Variants in OR7E24 observed in about 807,000 individuals in gnomAD.
The protein encoded by OR7E24 is olfactory receptor 7E24.
For synonymous variants in OR7E24, 130 were observed against 157.5 expected (o/e 0.83, Z 1.31); for missense variants, 385 against 410.3 (o/e 0.94, Z 0.53).
the OR7E24 span, chr19:9,214,326 C>A: frequency 6.2e-7 from 1 of 1,614,030 alleles, no homozygotes; most frequent in Non-Finnish European, 8.5e-7. Context: ...AATCTCAGTG[C>A]CTGTGGAGAA....
At chr19:9,232,465 G>A in the OR7E24 span, among the ~76,000 whole-genome samples, 1 of 150,890 alleles carries the variant, frequency 6.6e-6, no homozygotes. Flanking sequence ...TTGAACCTGG[G>A]AGGCGGAGGT....
In OR7E24 at chr19:9,252,083, C is replaced by T; in HGVS notation, c.*20C>T. 3.1e-6 allele frequency: 5 copies of T among 1,593,756 alleles called. No individual in the cohort carries two copies. The South Asian group carries it at 3.4e-5, about 11-fold the overall frequency. On this transcript the variant is annotated 3_prime_UTR_variant, in exon 1 of 1. Coordinates refer to ENST00000456448, the MANE Select transcript of OR7E24 (RefSeq NM_001079935.2). ...GGATAGAAATGGCAGCAAAATTTAACACCTAGGCCTGCAAATTCTGCCTCC... is the reference window on the plus strand; with the variant it reads ...GGATAGAAATGGCAGCAAAATTTAATACCTAGGCCTGCAAATTCTGCCTCC...
rs1277234056 is a variant in OR7E24 at position 9,251,600 on chromosome 19, G to A, written c.557G>A (p.Cys186Tyr). 4 of 1,613,468 alleles carry A rather than the reference G, an allele frequency of 2.5e-6. No individual in the cohort carries two copies. The highest frequency in any genetic ancestry group is 1.7e-5 in the Admixed American group (1 of 59,910). ...AATTTGATTATGTTACAGCTCACCT[G>A]CTTCAAGGATGTGGACATTTCTAAT... ...LHNLIMLQLT[C>Y]FKDVDISNFF... Residue 186 changes from cysteine to tyrosine, a missense_variant, in exon 1 of 1, where the codon TGC becomes TAC. Physicochemically the swap from Cys to Tyr is radical, Grantham distance 194. Transcript: ENST00000456448.
At chr19:9,222,728 G>A in the OR7E24 span, among the ~76,000 whole-genome samples, 1 of 152,096 alleles carries the variant, frequency 6.6e-6, no homozygotes, top group Non-Finnish European at 1.5e-5. Flanking sequence ...TATACATAAG[G>A]TCATGTCATC....
chr19:9,219,242 A>T, the OR7E24 span: 1 of 152,326 alleles, frequency 6.6e-6, no homozygotes, highest in East Asian at 1.9e-4. Flanking sequence ...ATGAATAAGT[A>T]ACTGGATGTA....
the OR7E24 span, among the ~76,000 whole-genome samples, chr19:9,225,494 G>A: frequency 6.7e-6 from 1 of 150,314 alleles, no homozygotes; most frequent in Non-Finnish European, 1.5e-5. Context: ...AGGAAGGAAG[G>A]AATAAAAAAA....
At chr19:9,222,584 T>G in the OR7E24 span, among the ~76,000 whole-genome samples, 1 of 152,156 alleles carries the variant, frequency 6.6e-6, no homozygotes, top group Non-Finnish European at 1.5e-5. Context: ...ATTATTTTGT[T>G]GATTTCTTTT....
At chr19:9,246,898 T>C (rs1353732773), upstream of OR7E24, among the ~76,000 whole-genome samples, 2 of 152,196 alleles carry the variant, frequency 1.3e-5, no homozygotes, top group Admixed American at 1.3e-4. Flanking sequence ...TTTTGTTTTG[T>C]AGGATAGAAA....
chr19:9,239,448 A>T, the OR7E24 span, among the ~76,000 whole-genome samples: 1 of 152,168 alleles, frequency 6.6e-6, no homozygotes, highest in African/African-American at 2.4e-5. Context: ...CTGGGATTAC[A>T]GGCTGAGCCA....
chr19:9,210,176 T>C, the OR7E24 span: 2 of 152,240 alleles, frequency 1.3e-5, no homozygotes, highest in Non-Finnish European at 2.9e-5. Context: ...TATTTATTGA[T>C]ACACTGATAA....
chr19:9,226,854 G>A, the OR7E24 span, among the ~76,000 whole-genome samples: 1 of 152,130 alleles, frequency 6.6e-6, no homozygotes, highest in Non-Finnish European at 1.5e-5. Flanking sequence ...TCCCTGAGAG[G>A]AACATCAGGC....
the OR7E24 span, chr19:9,214,331 G>A: frequency 1.8e-5 from 29 of 1,613,926 alleles, no homozygotes; most frequent in Non-Finnish European, 2.3e-5. Flanking sequence ...CAGTGCCTGT[G>A]GAGAAGGTCA....
the OR7E24 span, among the ~76,000 whole-genome samples, chr19:9,231,689 T>C: frequency 6.6e-6 from 1 of 152,180 alleles, no homozygotes; most frequent in African/African-American, 2.4e-5. Context: ...GCATTGTGTT[T>C]GTGGTTAAGG....
the OR7E24 span, among the ~76,000 whole-genome samples, chr19:9,234,096 G>T: frequency 6.6e-6 from 1 of 152,022 alleles, no homozygotes; most frequent in East Asian, 1.9e-4. Context: ...TAGAGACGGG[G>T]TTTCACCATG....
chr19:9,214,610 G>C, the OR7E24 span: 4 of 1,613,968 alleles, frequency 2.5e-6, no homozygotes, highest in African/African-American at 5.3e-5. Flanking sequence ...TGGGGACTGT[G>C]GTGGAGATGA....
chr19:9,222,438 A>G, the OR7E24 span, among the ~76,000 whole-genome samples: 1 of 152,308 alleles, frequency 6.6e-6, no homozygotes, highest in Admixed American at 6.5e-5. Context: ...TGAACATGGG[A>G]TATCTTTCCA....
At chr19:9,225,793 C>T in the OR7E24 span, among the ~76,000 whole-genome samples, 1 of 152,190 alleles carries the variant, frequency 6.6e-6, no homozygotes, top group African/African-American at 2.4e-5. Context: ...GAATGAAGGT[C>T]CTGTTCTTCA....
the OR7E24 span, among the ~76,000 whole-genome samples, chr19:9,238,882 C>G: frequency 6.6e-6 from 1 of 152,114 alleles, no homozygotes; most frequent in Admixed American, 6.5e-5. Context: ...AAATAGTATT[C>G]CATTGTGCAG....
At chr19:9,237,486 A>ATT in the OR7E24 span, among the ~76,000 whole-genome samples, 3,367 of 145,090 alleles carry the variant, frequency 0.023, 105 homozygotes, top group African/African-American at 0.08. Flanking sequence ...AATTTTTTGT[A>ATT]TTTTTTTTTT....
Sources: gnomAD v4.1 joint callset for allele counts (sites outside exome capture counted in the v4.1 genomes callset) on GRCh38, gnomAD v4.1.1 for gene constraint, MANE v1.5 for transcripts, NCBI Gene and HGNC (gene_info 2026-07-23, HGNC 2026-07-21) for gene names.